Variants in ATXN7L2 observed in about 807,000 individuals in gnomAD.
ATXN7L2 encodes ataxin-7-like protein 2.
A neutral mutation model predicts 59.6 loss-of-function variants in ATXN7L2; 17 were observed. That is an observed-to-expected ratio of 0.29 (90% CI 0.20 to 0.43). The LOEUF is 0.43. Ranked by LOEUF, ATXN7L2 falls within the 20% of genes least tolerant of loss-of-function variation. ATXN7L2 has a pLI of 1.00. For missense variants in ATXN7L2, 858 were observed against 1,008.9 expected (o/e 0.85, Z 2.03); for synonymous variants, 378 against 392.5 (o/e 0.96, Z 0.44).
Position 109,487,594 on chromosome 1 carries a change from CCACCCT to C in ATXN7L2, c.588_593del (p.Pro197_Ser198del). ...TGATGGACATGGAATCAGGGTGGCC[CCACCCT>C]CTGCTTTTCTCAGCCAGCCAGGGGG... On this transcript the variant is annotated inframe_deletion, in exon 5 of 11. Coordinates refer to ENST00000683729, the MANE Select transcript of ATXN7L2 (RefSeq NM_001350175.2). The C allele has an allele frequency of 1.3e-6, 2 of 1,572,492 alleles. No individual in the cohort carries two copies. Among genetic ancestry groups the C allele is most frequent in the Non-Finnish European group, 8.6e-7 (1 of 1,160,286 alleles).
Position 109,491,775 on chromosome 1 carries a change from A to C in ATXN7L2, c.2250+58A>C. On this transcript the variant is annotated intron_variant, in intron 10 of 10. Transcript: ENST00000683729. The surrounding 1 kb of genome is among the most constrained non-coding windows in gnomAD (Gnocchi z 4.1). ...GTGGGGCACACAGGGGGTACCTGATACAGAGAAGATGCTACATTGGTGTTT... is the reference window on the plus strand; with the variant it reads ...GTGGGGCACACAGGGGGTACCTGATCCAGAGAAGATGCTACATTGGTGTTT... 2.7e-6 allele frequency: 4 copies of C among 1,473,934 alleles called. No individual in the cohort carries two copies. The highest frequency in any genetic ancestry group is 3.6e-6 in the Non-Finnish European group (4 of 1,104,036). 91.3% of individuals were successfully genotyped at this position (1,473,934 alleles called of 1,614,324 possible).
chr1:109,488,901 G>T lies in ATXN7L2; in HGVS notation c.934G>T (p.Val312Leu), dbSNP rs199993090. The change falls in exon 7 of 11, where the codon GTG (valine) becomes TTG (leucine). Residue 312 changes from valine to leucine, a missense_variant. Around this residue, in one of 3 missense-constraint regions of ATXN7L2, gnomAD observed 734 missense variants for 862.3 expected, o/e 0.85. Coordinates refer to ENST00000683729, the MANE Select transcript of ATXN7L2 (RefSeq NM_001350175.2). The surrounding 1 kb of genome is among the most constrained non-coding windows in gnomAD (Gnocchi z 5.0). ...CCAGGGCCGGGCCAAGGACTTTGAC[G>T]TGCTGGTGGCAGAGCTGAAGGCCAA... ...EVQGRAKDFD[V>L]LVAELKANSR... The T allele has an allele frequency of 1.2e-6, 2 of 1,614,120 alleles. No homozygotes were observed. Among genetic ancestry groups the T allele is most frequent in the Non-Finnish European group, 8.5e-7 (1 of 1,180,028 alleles).
Position 109,484,080 on chromosome 1 carries a change from G to T in ATXN7L2, c.127G>T (p.Gly43Trp). 1 of 1,512,156 alleles carries T rather than the reference G, an allele frequency of 6.6e-7. No individual in the cohort carries two copies. The allele number at this position is 1,512,156 out of a possible 1,614,324, so 93.7% of individuals were successfully genotyped here. A position where few individuals can be genotyped will look rare whatever the true frequency, so the allele number is the denominator to read the frequency against. ...GCGGGCCGACCTGCCCGCGGCTGAC[G>T]GTGAGTAAAGCCACCCTAAAGTCCG... The part of the protein sequence containing the change: ...VERADLPAAD[G>W]AELEESSKNT... The change falls in exon 1 of 11, where the codon GGG becomes TGG. Residue 43 changes from glycine (G) to tryptophan (W), a missense_variant and splice_region_variant. By Grantham distance (184) the Gly-to-Trp change is radical. Transcript: ENST00000683729.
rs1175989990 is a variant in ATXN7L2 at position 109,491,040 on chromosome 1, G to T, written c.1573G>T (p.Ala525Ser). 1 of 1,613,586 alleles carries T rather than the reference G, an allele frequency of 6.2e-7. No homozygotes were observed. The highest frequency in any genetic ancestry group is 8.5e-7 in the Non-Finnish European group (1 of 1,180,020). ...CCTTCCAGGTCCAACCCTGAGACCTGCCTGCCCAGCCTCCATGCCCCCCAC... is the reference window on the plus strand; with the variant it reads ...CCTTCCAGGTCCAACCCTGAGACCTTCCTGCCCAGCCTCCATGCCCCCCAC... Reference protein sequence around the residue: ...PRLPGPTLRPACPASMPPTKD... With the variant: ...PRLPGPTLRPSCPASMPPTKD... Residue 525 changes from alanine to serine, a missense_variant, in exon 10 of 11, where the codon GCC (alanine) becomes TCC (serine). Transcript: ENST00000683729. This position sits in a 1 kb window ranked among gnomAD's most constrained non-coding sequence, Gnocchi z 4.1.
chr1:109,487,909 C>T, intron 5 of ATXN7L2, 105 bp downstream of exon 5: 1 of 1,347,374 alleles, frequency 7.4e-7, no homozygotes, highest in Non-Finnish European at 9.9e-7. Context: ...TGGGCCTGGC[C>T]ATCACAGGTT....
chr1:109,487,287 A>G (rs1656660991), intron 4 of ATXN7L2, 70 bp downstream of exon 4: 1 of 1,383,356 alleles, frequency 7.2e-7, no homozygotes, highest in Non-Finnish European at 9.6e-7. Context: ...ACATCAATAC[A>G]GACAGCCCTG....
chr1:109,486,162 A>C lies in ATXN7L2; in HGVS notation c.193+40A>C. The C allele has an allele frequency of 6.5e-7, 1 of 1,531,654 alleles. No homozygotes were observed. 94.9% of individuals were successfully genotyped at this position (1,531,654 alleles called of 1,614,324 possible). ...ACATTAGGGCTGGGACCCAGGGCAGACAGGACCACGCTCCACTTTTCCACC... is the reference window on the plus strand; with the variant it reads ...ACATTAGGGCTGGGACCCAGGGCAGCCAGGACCACGCTCCACTTTTCCACC... On this transcript the variant is annotated intron_variant, in intron 2 of 10. Transcript: ENST00000683729. This position sits in a 1 kb window ranked among gnomAD's most constrained non-coding sequence, Gnocchi z 4.3.
In ATXN7L2 at chr1:109,488,989, G is replaced by T; in HGVS notation, c.1022G>T (p.Arg341Leu). 6.2e-7 allele frequency: 1 copy of T among 1,614,168 alleles called. No homozygotes were observed. The highest frequency in any genetic ancestry group is 1.7e-5 in the Admixed American group (1 of 60,030). The part of the protein sequence containing the change: ...SPGRKEQVLE[R>L]PSQELPSSVQ... ...GGGCGCAAGGAGCAAGTTCTCGAGC[G>T]CCCCTCCCAGGAGCTCCCCTCCTCA... Residue 341 changes from arginine (R) to leucine (L), a missense_variant, in exon 7 of 11, where the codon CGC becomes CTC. By Grantham distance (102) the Arg-to-Leu change is moderately radical. Transcript: ENST00000683729. This position sits in a 1 kb window ranked among gnomAD's most constrained non-coding sequence, Gnocchi z 5.0.
chr1:109,485,225 C>A, intron 1 of ATXN7L2: 1 of 931,398 alleles, frequency 1.1e-6, no homozygotes, highest in Non-Finnish European at 1.3e-6. Context: ...TTTTTTTTTT[C>A]CCAAGGGACA....
At position 109,487,050 on chromosome 1, in the gene ATXN7L2, A is replaced by G. The variant is rs755734875; in HGVS notation, c.342A>G (p.Pro114=). 8 of 1,606,370 alleles carry G rather than the reference A, an allele frequency of 5.0e-6. No individual in the cohort carries two copies. The South Asian group carries it at 8.9e-5, about 18-fold the overall frequency. The stretch of plus-strand genomic sequence containing the variant: ...TCAGCAAGCTTTATGGCCGGGCCCC[A>G]CCCCCACCTCCAGCCCCTGCCAGCT... ...GPLSKLYGRA[P]PPPPAPASSQ... Residue 114 remains proline, a synonymous_variant, in exon 4 of 11, where the codon CCA becomes CCG. Transcript: ENST00000683729.
intron 5 of ATXN7L2, 42 bp downstream of exon 5, chr1:109,487,846 G>T: frequency 6.5e-7 from 1 of 1,549,856 alleles, no homozygotes; most frequent in Non-Finnish European, 8.7e-7. Context: ...GTAGAGTGGG[G>T]ACTCCTTTGG....
Position 109,487,819 on chromosome 1 carries a change from T to A in ATXN7L2, c.796+15T>A, listed in dbSNP as rs114944620. 1,398 of 1,577,244 alleles carry A rather than the reference T, an allele frequency of 8.9e-4. 16 individuals carry two copies. The African/African-American group carries it at 0.017, about 20-fold the overall frequency. On this transcript the variant is annotated intron_variant, in intron 5 of 10. Coordinates refer to ENST00000683729, the MANE Select transcript of ATXN7L2 (RefSeq NM_001350175.2). ...GAAGATGGCTCGTGAGTAGTTGTGGTCTTGGGGGTCCAGAATGTAGAGTGG... is the reference window on the plus strand; with the variant it reads ...GAAGATGGCTCGTGAGTAGTTGTGGACTTGGGGGTCCAGAATGTAGAGTGG...
At position 109,484,015 on chromosome 1, in the gene ATXN7L2, T is replaced by G. The variant is rs1343452747; in HGVS notation, c.62T>G (p.Leu21Arg). Residue 21 changes from leucine to arginine, a missense_variant, in exon 1 of 11, where the codon CTC (leucine) becomes CGC (arginine). By Grantham distance (102) the Leu-to-Arg change is moderately radical. This residue lies in a region of ATXN7L2 where 95 missense variants were observed against 82.6 expected (regional missense o/e 1.15). Transcript: ENST00000683729. ...MAALERRVPS[L>R]DDFAGQSWSS... is the part of the protein sequence containing the mutation. ...GCTCTGGAGCGGCGGGTGCCGAGTCTCGATGACTTCGCGGGACAGAGCTGG... is the reference window on the plus strand; with the variant it reads ...GCTCTGGAGCGGCGGGTGCCGAGTCGCGATGACTTCGCGGGACAGAGCTGG... 1 of 1,434,646 alleles carries G rather than the reference T, an allele frequency of 7.0e-7. No homozygotes were observed. The highest frequency in any genetic ancestry group is 1.5e-5 in the South Asian group (1 of 66,218). 88.9% of individuals were successfully genotyped at this position (1,434,646 alleles called of 1,614,324 possible).
rs1656568602 is a variant in ATXN7L2 at position 109,486,153 on chromosome 1, C to T, written c.193+31C>T. 6.5e-7 allele frequency: 1 copy of T among 1,544,250 alleles called. No individual in the cohort carries two copies. Among genetic ancestry groups the T allele is most frequent in the South Asian group, 1.3e-5 (1 of 78,730 alleles). The stretch of plus-strand genomic sequence containing the variant: ...AGTCGACACACATTAGGGCTGGGAC[C>T]CAGGGCAGACAGGACCACGCTCCAC... On this transcript the variant is annotated intron_variant, in intron 2 of 10. Coordinates refer to ENST00000683729, the MANE Select transcript of ATXN7L2 (RefSeq NM_001350175.2). This position sits in a 1 kb window ranked among gnomAD's most constrained non-coding sequence, Gnocchi z 4.3.
chr1:109,492,612 C>G lies in ATXN7L2; in HGVS notation c.*12C>G. On this transcript the variant is annotated 3_prime_UTR_variant, in exon 11 of 11. Coordinates refer to ENST00000683729, the MANE Select transcript of ATXN7L2 (RefSeq NM_001350175.2). ...CAAAAGCCCATTAACGAGAAAGTGCCTGCCCACTGCAACGGAGCCGCCAGC... is the reference window on the plus strand; with the variant it reads ...CAAAAGCCCATTAACGAGAAAGTGCGTGCCCACTGCAACGGAGCCGCCAGC... The G allele has an allele frequency of 1.9e-6, 3 of 1,613,530 alleles. No homozygotes were observed. The highest frequency in any genetic ancestry group is 2.5e-6 in the Non-Finnish European group (3 of 1,179,908).
intron 7 of ATXN7L2, chr1:109,489,454 A>G: frequency 2.8e-6 from 1 of 353,512 alleles, no homozygotes; most frequent in Non-Finnish European, 5.2e-6. Context: ...CTTCGCGTGC[A>G]GAGGCTATGC....
In ATXN7L2 at chr1:109,492,511, G is replaced by A. The variant is rs115238801; in HGVS notation, c.2251-75G>A. ...GAAATCAAGCTTTAGCCTCTGTAGT[G>A]CACACAGTTCACTGGGTAGGACAGC... On this transcript the variant is annotated intron_variant, in intron 10 of 10. Transcript: ENST00000683729. The A allele has an allele frequency of 3.1e-3, 4,976 of 1,588,056 alleles. 141 individuals carry two copies. In the African/African-American group the frequency reaches 0.059, roughly 19 times the overall value.
At position 109,491,828 on chromosome 1, in the gene ATXN7L2, TGA is replaced by T; in HGVS notation, c.2250+117_2250+118del. 1.5e-6 allele frequency: 2 copies of T among 1,332,842 alleles called. No homozygotes were observed. Among genetic ancestry groups the T allele is most frequent in the Non-Finnish European group, 2.0e-6 (2 of 1,000,118 alleles). The allele number at this position is 1,332,842 out of a possible 1,614,324, so 82.6% of individuals were successfully genotyped here. On this transcript the variant is annotated intron_variant, in intron 10 of 10. Transcript: ENST00000683729. The surrounding 1 kb of genome is among the most constrained non-coding windows in gnomAD (Gnocchi z 4.1). ...GCAGGGAAAGGGAGGAAGGGGAAGT[TGA>T]GAGAGTTCCTGGACTGTTTTCTTTA...
chr1:109,484,157 GGGAGCCGCCGACT>G, intron 1 of ATXN7L2, 77 bp downstream of exon 1: 1 of 1,263,406 alleles, frequency 7.9e-7, no homozygotes. Context: ...GCCAGCTGAG[GGGAGCCGCCGACT>G]GGAGCCGCCG....
Sources: gnomAD v4.1 joint callset for allele counts on GRCh38, gnomAD v4.1.1 for gene constraint, gnomAD v4.1.1 regional missense constraint, Gnocchi (gnomAD v3.1) non-coding constraint, MANE v1.5 for transcripts, NCBI Gene and HGNC (gene_info 2026-07-23, HGNC 2026-07-21) for gene names.